The following GSG1L variants were observed in gnomAD, a reference collection of about 807,000 sequenced individuals.
The protein encoded by GSG1L is GSG1 like.
GSG1L carries 24 observed loss-of-function variants against 42.1 expected under a neutral mutation model. The ratio of observed to expected loss-of-function variants is 0.57; its 90% CI spans 0.41 to 0.80. The LOEUF (loss-of-function observed/expected upper bound fraction) is 0.80, where lower values mean the gene tolerates loss of function less well. Ranked by LOEUF, GSG1L falls within the 30% of genes least tolerant of loss-of-function variation. The pLI is 0.00. For synonymous variants in GSG1L, 215 were observed against 203.5 expected (o/e 1.06, Z -0.48); for missense variants, 445 against 472.2 (o/e 0.94, Z 0.53).
At chr16:27,830,239 G>A (rs147921811) in intron 4 of GSG1L, among the ~76,000 whole-genome samples, 5 of 152,228 alleles carry the variant, frequency 3.3e-5, no homozygotes, top group Non-Finnish European at 4.4e-5. Flanking sequence ...TCTCTGCCTT[G>A]GTAACTGGTT....
intron 1 of GSG1L, among the ~76,000 whole-genome samples, chr16:27,963,742 CT>C (rs2085096835): frequency 6.6e-6 from 1 of 152,188 alleles, no homozygotes; most frequent in Non-Finnish European, 1.5e-5. Context: ...TGGTACACCC[CT>C]GTGCAGCCTC....
chr16:27,869,951 ATC>A (rs1314192282), intron 3 of GSG1L, among the ~76,000 whole-genome samples: 6 of 35,908 alleles, frequency 1.7e-4, no homozygotes, highest in Admixed American at 8.7e-4. Flanking sequence ...GTCTCCCTCC[ATC>A]TCTCTCTCTC....
In GSG1L at chr16:27,979,740, A is replaced by AG. The variant is rs1555512125; in HGVS notation, c.350-16538dup. Among the ~76,000 whole-genome samples the AG allele has an allele frequency of 5.0e-3, 370 of 74,154 alleles. 1 individual carries two copies. Among genetic ancestry groups the AG allele is most frequent in the African/African-American group, 6.7e-3 (135 of 20,248 alleles). The allele number at this position is 74,154 out of a possible 152,430, so 48.6% of individuals were successfully genotyped here. A position where few individuals can be genotyped will look rare whatever the true frequency, so the allele number is the denominator to read the frequency against. On this transcript the variant is annotated intron_variant, in intron 1 of 6. Transcript: ENST00000447459. ...GAAGGAAGGAAGGAAAGAAAAAGAA[A>AG]GAAAGAAAGGAAAGAAAGAAAGAAA...
At chr16:27,915,691 G>A (rs762218878) in intron 2 of GSG1L, among the ~76,000 whole-genome samples, 3 of 152,252 alleles carry the variant, frequency 2.0e-5, no homozygotes, top group Admixed American at 6.5e-5. Flanking sequence ...GGGGAGGATC[G>A]CTTGAGCCCA....
At chr16:27,909,468 C>G (rs1047436562) in intron 2 of GSG1L, among the ~76,000 whole-genome samples, 1 of 146,178 alleles carries the variant, frequency 6.8e-6, no homozygotes, top group Non-Finnish European at 1.5e-5. Flanking sequence ...CTCACTGCAG[C>G]CTTGAACTCT....
Position 27,788,306 on chromosome 16 carries a change from G to A in GSG1L, c.*3064C>T, listed in dbSNP as rs1315288478. On this transcript the variant is annotated 3_prime_UTR_variant, in exon 7 of 7. Coordinates refer to ENST00000447459, the MANE Select transcript of GSG1L (RefSeq NM_001109763.2). ...ACTTTCTTCTCTTTCTTGAGTGTAA[G>A]AGGGATGAGGAAGGGAGAAGCATCT... The A allele has an allele frequency of 6.6e-6, 1 of 152,178 alleles. No individual in the cohort carries two copies. Among genetic ancestry groups the A allele is most frequent in the African/African-American group, 2.4e-5 (1 of 41,422 alleles). 9.4% of individuals were successfully genotyped at this position (152,178 alleles called of 1,614,324 possible).
intron 5 of GSG1L, among the ~76,000 whole-genome samples, chr16:27,808,129 G>A (rs1056259468): frequency 6.6e-5 from 10 of 151,996 alleles, no homozygotes; most frequent in Non-Finnish European, 1.3e-4. Context: ...CTGTCGCCCA[G>A]GCTGGAGTGT....
Position 28,063,406 on chromosome 16 carries a change from C to G in GSG1L, c.19G>C (p.Gly7Arg). ...AGGGCCACGGCCAGGAGCGCTCGGC[C>G]GCGGCGGCTAGTCTTCATGCCGCCC... MKTSRR[G>R]RALLAVALNL... The change falls in exon 1 of 7, where the codon GGC (glycine) becomes CGC (arginine). Residue 7 changes from glycine to arginine, a missense_variant. This residue lies in a region of GSG1L where 156 missense variants were observed against 128.3 expected (regional missense o/e 1.22). Coordinates refer to ENST00000447459, the MANE Select transcript of GSG1L (RefSeq NM_001109763.2). The surrounding 1 kb of genome is among the most constrained non-coding windows in gnomAD (Gnocchi z 5.8). 7.6e-7 allele frequency: 1 copy of G among 1,320,150 alleles called. No individual in the cohort carries two copies. The allele number at this position is 1,320,150 out of a possible 1,614,324, so 81.8% of individuals were successfully genotyped here. A position where few individuals can be genotyped will look rare whatever the true frequency, so the allele number is the denominator to read the frequency against.
rs111808934 is a variant in GSG1L, at chr16:28,030,756, AATGGGATGGG to A, written c.349+32310_349+32319del. ...GATAGGATGGGATGGGTTAGGATGG[AATGGGATGGG>A]ATGGGATGGGATGGGATGGGATGGG... On this transcript the variant is annotated intron_variant, in intron 1 of 6. Coordinates refer to ENST00000447459, the MANE Select transcript of GSG1L (RefSeq NM_001109763.2). Among the ~76,000 whole-genome samples the A allele has an allele frequency of 2.8e-3, 271 of 95,890 alleles. 8 individuals are homozygous for A. Among genetic ancestry groups the A allele is most frequent in the African/African-American group, 9.8e-3 (231 of 23,584 alleles). 62.9% of individuals were successfully genotyped at this position (95,890 alleles called of 152,430 possible).
chr16:27,948,464 C>T (rs1365482967), intron 2 of GSG1L, among the ~76,000 whole-genome samples: 2 of 152,188 alleles, frequency 1.3e-5, no homozygotes, highest in Admixed American at 6.5e-5. Context: ...ACCTCCACTT[C>T]CCAAGTTCAA....
intron 1 of GSG1L, among the ~76,000 whole-genome samples, chr16:28,053,431 C>A (rs1376898864): frequency 2.6e-5 from 4 of 152,214 alleles, no homozygotes; most frequent in Admixed American, 2.6e-4. Flanking sequence ...CCTCCAAACA[C>A]TGCACCCACC....
intron 1 of GSG1L, among the ~76,000 whole-genome samples, chr16:28,019,992 C>T (rs1472727745): frequency 1.3e-5 from 2 of 152,208 alleles, no homozygotes; most frequent in Non-Finnish European, 2.9e-5. Context: ...GCCTTGTAGG[C>T]ACTAGAGTTT....
chr16:27,904,060 TC>T lies in GSG1L; in HGVS notation c.398-19423del, dbSNP rs2084292142. ...CTGCTCCCTCTGCATGAAATGCTGT[TC>T]CCCTGTGTCTCTCCACCTGCCCTAA... On this transcript the variant is annotated intron_variant, in intron 2 of 6. Transcript: ENST00000447459. Among the ~76,000 whole-genome samples, 3 of 152,194 alleles carry T rather than the reference TC, an allele frequency of 2.0e-5. No individual in the cohort carries two copies. In the East Asian group the frequency reaches 5.8e-4, roughly 29 times the overall value.
chr16:27,883,778 CT>C (rs1470571337), intron 3 of GSG1L, among the ~76,000 whole-genome samples: 1 of 152,200 alleles, frequency 6.6e-6, no homozygotes, highest in Non-Finnish European at 1.5e-5. Context: ...AGCTTAACCC[CT>C]GATGACCTGA....
chr16:27,875,390 A>G (rs1225187455), intron 3 of GSG1L, among the ~76,000 whole-genome samples: 1 of 151,898 alleles, frequency 6.6e-6, no homozygotes, highest in Non-Finnish European at 1.5e-5. Flanking sequence ...CCTTCCTGGC[A>G]TCCTTTTCCA....
At chr16:27,792,901 C>CGA (rs1195751064) in intron 6 of GSG1L, among the ~76,000 whole-genome samples, 1 of 152,102 alleles carries the variant, frequency 6.6e-6, no homozygotes, top group Non-Finnish European at 1.5e-5. Flanking sequence ...ATGAGGGAGC[C>CGA]GAGGCTCTGT....
At chr16:27,935,288 G>C (rs749281409) in intron 2 of GSG1L, among the ~76,000 whole-genome samples, 1 of 151,898 alleles carries the variant, frequency 6.6e-6, no homozygotes, top group South Asian at 2.1e-4. Flanking sequence ...GCCACAGCCC[G>C]GCCAGCCTTC....
rs1567485082 is a variant in GSG1L at position 27,849,206 on chromosome 16, A to ACCCCC, written c.551-4146_551-4145insGGGGG. On this transcript the variant is annotated intron_variant, in intron 3 of 6. Transcript: ENST00000447459. Reference sequence around the variant, plus strand: ...GAGTGAGCCTCTATCCCAAAAAGAAAAAAAAAAAAAAAAAAAAGAGAAAAG... The same window carrying ACCCCC: ...GAGTGAGCCTCTATCCCAAAAAGAAACCCCCAAAAAAAAAAAAAAAAAGAGAAAAG... Among the ~76,000 whole-genome samples the ACCCCC allele has an allele frequency of 4.1e-3, 496 of 122,040 alleles. 5 individuals are homozygous for ACCCCC. Among genetic ancestry groups the ACCCCC allele is most frequent in the African/African-American group, 0.015 (455 of 29,554 alleles). 80.1% of individuals were successfully genotyped at this position (122,040 alleles called of 152,430 possible).
At chr16:27,989,894 G>A (rs192007746) in intron 1 of GSG1L, among the ~76,000 whole-genome samples, 24 of 152,270 alleles carry the variant, frequency 1.6e-4, no homozygotes, top group Non-Finnish European at 7.4e-5. Context: ...GGTATATGCA[G>A]TTAATTGCTT....
Sources: allele counts gnomAD v4.1 joint callset (sites outside exome capture counted in the v4.1 genomes callset), GRCh38; gene constraint gnomAD v4.1.1; regional missense constraint gnomAD v4.1.1; non-coding constraint Gnocchi (gnomAD v3.1); transcripts MANE v1.5; gene names NCBI Gene and HGNC (gene_info 2026-07-23, HGNC 2026-07-21).